Variants in PRKCB observed in about 807,000 individuals in gnomAD.
PRKCB encodes the protein protein kinase C beta type.
PRKCB carries 13 observed loss-of-function variants against 81.5 expected under a neutral mutation model. The ratio of observed to expected loss-of-function variants is 0.16; its 90% CI spans 0.10 to 0.25. PRKCB has a LOEUF of 0.25. PRKCB is among the 10% of genes least tolerant of loss of function. PRKCB has a pLI of 1.00. For missense variants in PRKCB, 509 were observed against 875.7 expected, an observed-to-expected ratio of 0.58 and a Z score of 5.29; for synonymous variants, 335 against 321.4, an observed-to-expected ratio of 1.04 and a Z score of -0.45.
rs572244543 is a variant in PRKCB, at chr16:23,918,482, C to T, written c.206-70026C>T. Among the ~76,000 whole-genome samples the T allele has an allele frequency of 3.2e-3, 482 of 152,096 alleles. 4 individuals are homozygous for T. Among genetic ancestry groups the T allele is most frequent in the African/African-American group, 0.011 (467 of 41,468 alleles). ...CGTGATCTTGGCTCACTGCAACCTC[C>T]ACCTCCTGGGCTCAAGAGATTCTCG... On this transcript the variant is annotated intron_variant, in intron 2 of 16. Coordinates refer to ENST00000643927, the MANE Select transcript of PRKCB (RefSeq NM_002738.7).
chr16:24,050,819 T>TG (rs1192892726), intron 5 of PRKCB, among the ~76,000 whole-genome samples: 1 of 152,178 alleles, frequency 6.6e-6, no homozygotes, highest in Admixed American at 6.5e-5. Flanking sequence ...TTGGGGGGTC[T>TG]GGGGGTACCA....
At chr16:24,013,160 C>A (rs1965227588) in intron 3 of PRKCB, among the ~76,000 whole-genome samples, 1 of 152,176 alleles carries the variant, frequency 6.6e-6, no homozygotes, top group South Asian at 2.1e-4. Flanking sequence ...TCCTGACCTC[C>A]CTGACCAGGC....
In PRKCB at chr16:24,122,801, G is replaced by A. The variant is rs887230438; in HGVS notation, c.919-1034G>A. Reference sequence around the variant, plus strand: ...CTCCACAGTTTTCTCTCTGCTAAACGTGAATCCAGTAACGAAGTCCTGGCA... The same window carrying A: ...CTCCACAGTTTTCTCTCTGCTAAACATGAATCCAGTAACGAAGTCCTGGCA... On this transcript the variant is annotated intron_variant, in intron 8 of 16. Coordinates refer to ENST00000643927, the MANE Select transcript of PRKCB (RefSeq NM_002738.7). 4.6e-5 allele frequency among the ~76,000 whole-genome samples: 7 copies of A among 152,214 alleles called. 1 individual carries two copies. Among genetic ancestry groups the A allele is most frequent in the Admixed American group, 4.6e-4 (7 of 15,280 alleles).
At chr16:23,937,154 TGCAG>T (rs1460593369) in intron 2 of PRKCB, among the ~76,000 whole-genome samples, 2 of 152,200 alleles carry the variant, frequency 1.3e-5, no homozygotes, top group African/African-American at 4.8e-5. Context: ...TTGAATGACC[TGCAG>T]GCACCATCTG....
intron 10 of PRKCB, among the ~76,000 whole-genome samples, chr16:24,156,658 A>T (rs762167109): frequency 2.6e-5 from 4 of 152,240 alleles, no homozygotes; most frequent in Non-Finnish European, 5.9e-5. Flanking sequence ...AATTTACATC[A>T]TGCAATGGAG....
At chr16:23,931,789 C>T (rs1963981686) in intron 2 of PRKCB, among the ~76,000 whole-genome samples, 1 of 152,150 alleles carries the variant, frequency 6.6e-6, no homozygotes, top group South Asian at 2.1e-4. Flanking sequence ...TTGTATAGAT[C>T]CTTTTAGGAT....
rs1398402348 is a variant in PRKCB at position 24,220,010 on chromosome 16, C to T, written c.*5194C>T. ...TTCGACAAAGAGTTCACCAGACAGCCTGTGGAACTGACCCCCACTGATAAA... is the reference window on the plus strand; with the variant it reads ...TTCGACAAAGAGTTCACCAGACAGCTTGTGGAACTGACCCCCACTGATAAA... On this transcript the variant is annotated 3_prime_UTR_variant, in exon 17 of 17. Coordinates refer to ENST00000643927, the MANE Select transcript of PRKCB (RefSeq NM_002738.7). 1 of 1,614,176 alleles carries T rather than the reference C, an allele frequency of 6.2e-7. No individual in the cohort carries two copies. The highest frequency in any genetic ancestry group is 1.7e-5 in the Admixed American group (1 of 60,022).
intron 2 of PRKCB, among the ~76,000 whole-genome samples, chr16:23,967,178 C>A (rs1216565583): frequency 6.6e-6 from 1 of 152,150 alleles, no homozygotes; most frequent in Non-Finnish European, 1.5e-5. Flanking sequence ...GCGCCTCCTC[C>A]CTCTCCTGCG....
intron 3 of PRKCB, among the ~76,000 whole-genome samples, chr16:24,029,991 T>G (rs1452594438): frequency 6.6e-6 from 1 of 152,198 alleles, no homozygotes. Context: ...CCTTGAATTC[T>G]TGGGCTCAAG....
chr16:24,004,478 C>CAAAAAA (rs71154264), intron 3 of PRKCB, among the ~76,000 whole-genome samples: 4 of 47,400 alleles, frequency 8.4e-5, no homozygotes, highest in Non-Finnish European at 1.4e-4. Flanking sequence ...CAAGTCTCTA[C>CAAAAAA]AAAAAAAAAA....
chr16:23,856,042 C>G (rs1389279753), intron 2 of PRKCB, among the ~76,000 whole-genome samples: 1 of 152,124 alleles, frequency 6.6e-6, no homozygotes, highest in Non-Finnish European at 1.5e-5. Context: ...CAAACTATAC[C>G]TTGGTTCATT....
At chr16:23,885,433 C>T (rs1199858091) in intron 2 of PRKCB, among the ~76,000 whole-genome samples, 2 of 152,078 alleles carry the variant, frequency 1.3e-5, no homozygotes, top group Non-Finnish European at 2.9e-5. Context: ...CTCAGCCTCC[C>T]GAGTAGCTGA....
At chr16:24,052,733 G>C (rs537965414) in intron 5 of PRKCB, among the ~76,000 whole-genome samples, 2 of 152,338 alleles carry the variant, frequency 1.3e-5, no homozygotes, top group South Asian at 4.1e-4. Flanking sequence ...AAGACGACCA[G>C]ACGTCACTTT....
intron 2 of PRKCB, among the ~76,000 whole-genome samples, chr16:23,952,492 G>T (rs954336898): frequency 6.6e-6 from 1 of 152,132 alleles, no homozygotes; most frequent in Non-Finnish European, 1.5e-5. Context: ...ATGAGGGGGT[G>T]TTTAGAATCG....
chr16:23,840,650 G>A (rs1392157586), intron 2 of PRKCB, among the ~76,000 whole-genome samples: 12 of 152,104 alleles, frequency 7.9e-5, no homozygotes, highest in South Asian at 6.2e-4. Context: ...CTGCCACTCT[G>A]GTAGGAGGTG....
chr16:23,897,220 T>C (rs1963394429), intron 2 of PRKCB, among the ~76,000 whole-genome samples: 1 of 152,162 alleles, frequency 6.6e-6, no homozygotes, highest in Non-Finnish European at 1.5e-5. Context: ...TGCTGTGCTC[T>C]GTAGAGCTCT....
chr16:24,100,196 A>T (rs1966488113), intron 7 of PRKCB, among the ~76,000 whole-genome samples: 1 of 152,074 alleles, frequency 6.6e-6, no homozygotes, highest in Non-Finnish European at 1.5e-5. Context: ...GCATAACAAG[A>T]CGTGTCCAAT....
intron 2 of PRKCB, among the ~76,000 whole-genome samples, chr16:23,871,739 G>A (rs1048786063): frequency 6.6e-6 from 1 of 151,878 alleles, no homozygotes; most frequent in Non-Finnish European, 1.5e-5. Flanking sequence ...CACCATGCCT[G>A]GCTAATTTTT....
At chr16:24,121,504 A>G (rs1966797760) in intron 8 of PRKCB, among the ~76,000 whole-genome samples, 1 of 152,036 alleles carries the variant, frequency 6.6e-6, no homozygotes, top group South Asian at 2.1e-4. Context: ...AAGCCTCCCA[A>G]GTAGCTGGGA....
Sources: gnomAD v4.1 joint callset for allele counts (sites outside exome capture counted in the v4.1 genomes callset) on GRCh38, gnomAD v4.1.1 for gene constraint, MANE v1.5 for transcripts, NCBI Gene and HGNC (gene_info 2026-07-23, HGNC 2026-07-21) for gene names.